Variants in HSD17B12 observed in about 807,000 individuals in gnomAD.
HSD17B12 encodes the protein hydroxysteroid 17-beta dehydrogenase 12.
In HSD17B12, 32 loss-of-function variants were observed where a neutral mutation model predicts 39.3. The observed-to-expected ratio is 0.81, with a 90% CI of 0.61 to 1.09. The LOEUF is 1.09. HSD17B12 is among the 50% of genes least tolerant of loss of function. The pLI, the probability that HSD17B12 is intolerant of heterozygous loss-of-function variation, is 0.00. For synonymous variants in HSD17B12, 150 were observed against 146.7 expected, an observed-to-expected ratio of 1.02 and a Z score of -0.16; for missense variants, 342 against 382.9, an observed-to-expected ratio of 0.89 and a Z score of 0.89.
chr11:43,621,445 T>C, the HSD17B12 span, among the ~76,000 whole-genome samples: 1 of 152,172 alleles, frequency 6.6e-6, no homozygotes, highest in Non-Finnish European at 1.5e-5. Context: ...CTGGGCACAG[T>C]GGCTCACACC....
chr11:43,854,519 T>C (rs992659400), intron 9 of HSD17B12, 196 bp from the exon 10 acceptor site: 11 of 544,758 alleles, frequency 2.0e-5, no homozygotes, highest in African/African-American at 1.3e-4. Context: ...TATTGAGAGA[T>C]TGATTTGTTA....
intron 3 of HSD17B12, among the ~76,000 whole-genome samples, chr11:43,792,919 G>A (rs754704546): frequency 2.6e-5 from 4 of 152,080 alleles, no homozygotes; most frequent in African/African-American, 9.7e-5. Context: ...AATTCAAGAA[G>A]TATTGAGAAG....
At chr11:43,850,427 G>C (rs191502759) in intron 9 of HSD17B12, among the ~76,000 whole-genome samples, 1 of 152,138 alleles carries the variant, frequency 6.6e-6, no homozygotes, top group Non-Finnish European at 1.5e-5. Context: ...GCTCGGTAAA[G>C]GCAGATGTGA....
At chr11:43,759,827 G>A (rs376570654) in intron 3 of HSD17B12, among the ~76,000 whole-genome samples, 4 of 151,504 alleles carry the variant, frequency 2.6e-5, no homozygotes, top group Admixed American at 1.3e-4. Flanking sequence ...TCCCAGGCCC[G>A]AGCAGTTCTC....
At chr11:43,691,042 G>T (rs765343271) in intron 1 of HSD17B12, among the ~76,000 whole-genome samples, 2 of 152,092 alleles carry the variant, frequency 1.3e-5, no homozygotes, top group Non-Finnish European at 2.9e-5. Flanking sequence ...GATTATCAAA[G>T]TCGTCAATTT....
At chr11:43,566,479 T>A in the HSD17B12 span, among the ~76,000 whole-genome samples, 2 of 152,078 alleles carry the variant, frequency 1.3e-5, no homozygotes, top group African/African-American at 4.8e-5. Flanking sequence ...ACCAGGAAGA[T>A]TTCCCGTCAT....
chr11:43,838,440 G>T, intron 8 of HSD17B12, 42 bp downstream of exon 8: 1 of 1,399,886 alleles, frequency 7.1e-7, no homozygotes, highest in Non-Finnish European at 1.0e-6. Flanking sequence ...TAGTAATAAG[G>T]GGTAATTTTT....
chr11:43,571,674 C>T, the HSD17B12 span, among the ~76,000 whole-genome samples: 585 of 152,200 alleles, frequency 3.8e-3, 5 homozygotes, highest in African/African-American at 0.013. Context: ...GGTGAATAGA[C>T]TGTTGAGACT....
chr11:43,766,096 A>G (rs1188134196), intron 3 of HSD17B12, among the ~76,000 whole-genome samples: 2 of 152,246 alleles, frequency 1.3e-5, no homozygotes, highest in East Asian at 1.9e-4. Flanking sequence ...AAATGCTGGG[A>G]TTACAGGCGT....
At chr11:43,653,287 CA>C in the HSD17B12 span, among the ~76,000 whole-genome samples, 1 of 152,054 alleles carries the variant, frequency 6.6e-6, no homozygotes, top group Non-Finnish European at 1.5e-5. Context: ...ATACTGTATT[CA>C]AAGATGGAGT....
chr11:43,691,530 C>T (rs1474016301), intron 1 of HSD17B12, among the ~76,000 whole-genome samples: 1 of 152,188 alleles, frequency 6.6e-6, no homozygotes, highest in Non-Finnish European at 1.5e-5. Flanking sequence ...CAGTCTCTCT[C>T]GCATCCATAC....
At chr11:43,578,792 A>C in the HSD17B12 span, 2 of 151,672 alleles carry the variant, frequency 1.3e-5, no homozygotes, top group Non-Finnish European at 2.9e-5. Context: ...AAGAGTCAAG[A>C]AGGGGGCGGA....
the HSD17B12 span, chr11:43,640,931 G>T: frequency 1.4e-5 from 2 of 147,974 alleles, no homozygotes; most frequent in Non-Finnish European, 3.0e-5. Flanking sequence ...TCATTTACTT[G>T]TTTTTTTTTT....
At chr11:43,671,163 T>C in the HSD17B12 span, among the ~76,000 whole-genome samples, 1 of 152,056 alleles carries the variant, frequency 6.6e-6, no homozygotes, top group African/African-American at 2.4e-5. Flanking sequence ...CATGGTTTTA[T>C]TTTATTTATT....
chr11:43,699,975 C>T (rs961967634), intron 1 of HSD17B12, among the ~76,000 whole-genome samples: 1 of 152,136 alleles, frequency 6.6e-6, no homozygotes, highest in Non-Finnish European at 1.5e-5. Context: ...AGCACTGTGG[C>T]CCACTGGAGC....
intron 4 of HSD17B12, among the ~76,000 whole-genome samples, chr11:43,805,701 C>T (rs117788438): frequency 0.012 from 1,809 of 152,216 alleles, 23 homozygotes; most frequent in South Asian, 0.02. Context: ...TAAAACACTT[C>T]CAAAACTTCC....
intron 7 of HSD17B12, among the ~76,000 whole-genome samples, chr11:43,832,707 A>G (rs192650411): frequency 6.6e-6 from 1 of 152,288 alleles, no homozygotes; most frequent in African/African-American, 2.4e-5. Flanking sequence ...CAAGCGTCTC[A>G]AGGATGAGTT....
chr11:43,585,389 C>T, the HSD17B12 span, among the ~76,000 whole-genome samples: 1 of 152,140 alleles, frequency 6.6e-6, no homozygotes, highest in Non-Finnish European at 1.5e-5. Context: ...AACCAAGCTA[C>T]CTGCCTAATC....
chr11:43,789,924 C>T (rs181051299), intron 3 of HSD17B12, among the ~76,000 whole-genome samples: 8 of 152,100 alleles, frequency 5.3e-5, no homozygotes, highest in Non-Finnish European at 8.8e-5. Context: ...AGAGTGAGAC[C>T]CTGTCCCACT....
Sources: allele counts gnomAD v4.1 joint callset (sites outside exome capture counted in the v4.1 genomes callset), GRCh38; gene constraint gnomAD v4.1.1; transcripts MANE v1.5; gene names NCBI Gene and HGNC (gene_info 2026-07-23, HGNC 2026-07-21).